Variants in TXNRD2 observed in about 807,000 individuals in gnomAD.
The protein encoded by TXNRD2 is thioredoxin reductase 2.
In TXNRD2, 67 loss-of-function variants were observed where a neutral mutation model predicts 70.8. The ratio of observed to expected loss-of-function variants is 0.95; its 90% CI spans 0.78 to 1.16. The LOEUF is 1.16. Ranked by LOEUF, TXNRD2 falls within the 50% of genes most tolerant of loss-of-function variation. The pLI is 0.00. For synonymous variants in TXNRD2, 301 were observed against 295.8 expected (o/e 1.02, Z -0.18); for missense variants, 644 against 719.9 (o/e 0.89, Z 1.21).
chr22:19,922,375 C>T (rs142445301), intron 2 of TXNRD2, among the ~76,000 whole-genome samples: 11 of 152,236 alleles, frequency 7.2e-5, no homozygotes, highest in African/African-American at 2.4e-4. Context: ...TGCAGAACTC[C>T]GTCAGTCAGG....
rs1938550884 is a variant in TXNRD2, at chr22:19,877,250, G to T, written c.1446-16C>A. On this transcript the variant is annotated splice_polypyrimidine_tract_variant and intron_variant, in intron 16 of 17. Transcript: ENST00000400521. ...AGCCCCACACCTGCACATGGGGGAT[G>T]GGGGAGGCAGGCGGGGTCAGCACAG... 6.2e-7 allele frequency: 1 copy of T among 1,605,100 alleles called. No individual in the cohort carries two copies.
chr22:19,902,929 G>A, intron 8 of TXNRD2: 1 of 518,728 alleles, frequency 1.9e-6, no homozygotes, highest in South Asian at 1.4e-5. Flanking sequence ...AATGATCGCA[G>A]TACCTGGCTG....
chr22:19,896,464 T>C (rs1314432323), intron 10 of TXNRD2, among the ~76,000 whole-genome samples: 1 of 152,160 alleles, frequency 6.6e-6, no homozygotes, highest in African/African-American at 2.4e-5. Flanking sequence ...TGGCCCCTGC[T>C]CCTGGCCCAC....
chr22:19,923,277 C>A lies in TXNRD2; in HGVS notation c.173-3678G>T, dbSNP rs899262931. Among the ~76,000 whole-genome samples, 13 of 152,228 alleles carry A rather than the reference C, an allele frequency of 8.5e-5. No individual in the cohort carries two copies. The Middle Eastern group carries it at 0.014, about 159-fold the overall frequency. ...CCCTTAAGTTTTCTCTTTTTGAATT[C>A]CTTCAATGATGACTTTCAAGGATAG... On this transcript the variant is annotated intron_variant, in intron 2 of 17. Transcript: ENST00000400521.
intron 11 of TXNRD2, 171 bp from the exon 12 acceptor site, chr22:19,883,632 G>A: frequency 1.2e-6 from 1 of 864,970 alleles, no homozygotes; most frequent in South Asian, 1.5e-5. Context: ...GAGGTCATGA[G>A]TTCGAGACCA....
chr22:19,931,721 T>C (rs187251262), intron 1 of TXNRD2, among the ~76,000 whole-genome samples: 5 of 152,232 alleles, frequency 3.3e-5, no homozygotes, highest in African/African-American at 1.2e-4. Flanking sequence ...CAGGCTGGTC[T>C]CAAACACCTG....
chr22:19,938,481 T>C (rs9606190), intron 1 of TXNRD2, among the ~76,000 whole-genome samples: 32,081 of 152,226 alleles, frequency 0.21, 4,010 homozygotes, highest in Middle Eastern at 0.34. Flanking sequence ...GAGGGCCTAG[T>C]TGATACTGGG....
intron 2 of TXNRD2, among the ~76,000 whole-genome samples, chr22:19,925,517 G>A (rs1194402857): frequency 6.6e-6 from 1 of 151,748 alleles, no homozygotes; most frequent in Non-Finnish European, 1.5e-5. Flanking sequence ...CACGATTTAA[G>A]TATATTTTAA....
chr22:19,876,861 C>T (rs1938529907), intron 17 of TXNRD2, 179 bp downstream of exon 17: 2 of 433,324 alleles, frequency 4.6e-6, no homozygotes, highest in South Asian at 6.4e-5. Flanking sequence ...GAGGTTTGGG[C>T]CCCTGGGAAC....
chr22:19,915,909 T>A lies in TXNRD2; in HGVS notation c.450-66A>T, dbSNP rs545530939. ...AATTAAACCTCACCAACTGGATCAA[T>A]AGGGAACACTGGTAAAAGGGAGCTC... On this transcript the variant is annotated intron_variant, in intron 5 of 17. Coordinates refer to ENST00000400521, the MANE Select transcript of TXNRD2 (RefSeq NM_006440.5). 10 of 1,424,738 alleles carry A rather than the reference T, an allele frequency of 7.0e-6. No individual in the cohort carries two copies. In the African/African-American group the frequency reaches 1.3e-4, roughly 18 times the overall value. 88.3% of individuals were successfully genotyped at this position (1,424,738 alleles called of 1,614,324 possible). A position where few individuals can be genotyped will look rare whatever the true frequency, so the allele number is the denominator to read the frequency against.
chr22:19,893,191 C>T lies in TXNRD2; in HGVS notation c.949+2216G>A, dbSNP rs147949222. Among the ~76,000 whole-genome samples the T allele has an allele frequency of 1.2e-4, 19 of 152,312 alleles. No individual in the cohort carries two copies. The East Asian group carries it at 1.5e-3, about 12-fold the overall frequency. On this transcript the variant is annotated intron_variant, in intron 11 of 17. Coordinates refer to ENST00000400521, the MANE Select transcript of TXNRD2 (RefSeq NM_006440.5). Reference sequence around the variant, plus strand: ...AGACACTGACCCCTGGCCAGCCCCACGCAAGCCCGGTTAGCTGATGGAGGT... The same window carrying T: ...AGACACTGACCCCTGGCCAGCCCCATGCAAGCCCGGTTAGCTGATGGAGGT...
At chr22:19,902,015 A>G (rs2145988022) in intron 8 of TXNRD2, among the ~76,000 whole-genome samples, 1 of 152,302 alleles carries the variant, frequency 6.6e-6, no homozygotes, top group Admixed American at 6.5e-5. Flanking sequence ...CCTGAGCAAT[A>G]CAGCTTGTCC....
chr22:19,909,537 A>C (rs1940226571), intron 8 of TXNRD2, among the ~76,000 whole-genome samples: 1 of 110,496 alleles, frequency 9.1e-6, no homozygotes, highest in Admixed American at 1.1e-4. Context: ...CACACCACAC[A>C]CACACATAAC....
Position 19,899,034 on chromosome 22 carries a change from G to A in TXNRD2, c.682+15C>T, listed in dbSNP as rs201450101. On this transcript the variant is annotated intron_variant, in intron 9 of 17. Coordinates refer to ENST00000400521, the MANE Select transcript of TXNRD2 (RefSeq NM_006440.5). ...CAGTTCCCAGGACGGCCACCTGCAC[G>A]CTTGCAAAGGATACAGCTGGCCCCG... The A allele has an allele frequency of 2.3e-4, 365 of 1,606,030 alleles. No homozygotes were observed. Among genetic ancestry groups the A allele is most frequent in the Non-Finnish European group, 2.5e-4 (291 of 1,179,948 alleles).
rs765629750 is a variant in TXNRD2 at position 19,880,283 on chromosome 22, T to C, written c.1183-12A>G. On this transcript the variant is annotated splice_polypyrimidine_tract_variant and intron_variant, in intron 13 of 17. Transcript: ENST00000400521. ...ACGGTCGTGGGAACCTGAAAGCAGG[T>C]CTGGAGTCAGGGAGGGCCCTTGGGC... is the stretch of plus-strand genomic sequence containing the variant. 2.5e-6 allele frequency: 4 copies of C among 1,613,102 alleles called. No individual in the cohort carries two copies. The highest frequency in any genetic ancestry group is 1.7e-5 in the Admixed American group (1 of 60,018).
chr22:19,918,906 C>T lies in TXNRD2; in HGVS notation c.328G>A (p.Ala110Thr). The T allele has an allele frequency of 6.2e-7, 1 of 1,612,760 alleles. No homozygotes were observed. Among genetic ancestry groups the T allele is most frequent in the South Asian group, 1.1e-5 (1 of 91,070 alleles). Residue 110 changes from alanine to threonine, a missense_variant, in exon 4 of 18, where the codon GCC becomes ACC. Physicochemically the swap from Ala to Thr is moderately conservative, Grantham distance 58. Transcript: ENST00000400521. ...GCCACCTCCCAGCCATAGTTGGGGG[C>T]ATCTTGGATCAGGCCTCCCAGCAGT... ...AALLGGLIQD[A>T]PNYGWEVAQP...
intron 8 of TXNRD2, among the ~76,000 whole-genome samples, chr22:19,900,681 T>A (rs1389025135): frequency 6.7e-6 from 1 of 149,754 alleles, no homozygotes. Context: ...ACCCAGGAGG[T>A]GGAGCTTGCA....
intron 9 of TXNRD2, among the ~76,000 whole-genome samples, 161 bp downstream of exon 9, chr22:19,898,888 C>T (rs1939642445): frequency 6.6e-6 from 1 of 152,202 alleles, no homozygotes; most frequent in African/African-American, 2.4e-5. Flanking sequence ...AGGTCAGCCT[C>T]AAACTGTCCC....
intron 11 of TXNRD2, among the ~76,000 whole-genome samples, chr22:19,888,363 A>C (rs982072037): frequency 3.9e-5 from 6 of 152,104 alleles, no homozygotes; most frequent in African/African-American, 1.2e-4. Flanking sequence ...AAAACCACCC[A>C]CACAGTCACC....
Sources: allele counts gnomAD v4.1 joint callset (sites outside exome capture counted in the v4.1 genomes callset), GRCh38; gene constraint gnomAD v4.1.1; transcripts MANE v1.5; gene names NCBI Gene and HGNC (gene_info 2026-07-23, HGNC 2026-07-21).